Variants in ZDHHC14 observed in about 807,000 individuals in gnomAD.
The protein encoded by ZDHHC14 is zDHHC palmitoyltransferase 14, also known as palmitoyltransferase ZDHHC14.
Under a neutral mutation model 47.7 loss-of-function variants are expected in ZDHHC14, and 16 were observed. The observed-to-expected ratio is 0.34, with a 90% CI of 0.23 to 0.51. The LOEUF is 0.51. ZDHHC14 is among the 20% of genes least tolerant of loss of function. The probability of loss-of-function intolerance (pLI) is 0.97; values close to 1 mark genes in which losing one functional copy is unlikely to be tolerated. For missense variants in ZDHHC14, 515 were observed against 662.5 expected (o/e 0.78, Z 2.44); for synonymous variants, 293 against 278.9 (o/e 1.05, Z -0.50).
intron 1 of ZDHHC14, among the ~76,000 whole-genome samples, chr6:157,410,441 G>A (rs374050605): frequency 1.6e-4 from 25 of 152,302 alleles, no homozygotes; most frequent in African/African-American, 6.0e-4. Context: ...GAAAAAGTAA[G>A]AATTGATGTG....
intron 8 of ZDHHC14, among the ~76,000 whole-genome samples, chr6:157,662,984 AT>A (rs1583094719): frequency 6.6e-6 from 1 of 152,378 alleles, no homozygotes. Flanking sequence ...TTTAGAAATG[AT>A]TTGTAGGTTG....
chr6:157,658,197 G>T (rs1032082678), intron 8 of ZDHHC14, among the ~76,000 whole-genome samples: 4 of 151,994 alleles, frequency 2.6e-5, no homozygotes, highest in Admixed American at 2.0e-4. Context: ...GCCCAGAATG[G>T]GAACCAGGGA....
intron 2 of ZDHHC14, among the ~76,000 whole-genome samples, chr6:157,572,221 C>A (rs1394983333): frequency 2.6e-5 from 4 of 152,066 alleles, no homozygotes; most frequent in African/African-American, 9.7e-5. Context: ...TTTAGCAACA[C>A]CCCTGGCCAC....
At chr6:157,606,834 C>T (rs1021615257) in intron 3 of ZDHHC14, among the ~76,000 whole-genome samples, 6 of 152,210 alleles carry the variant, frequency 3.9e-5, no homozygotes, top group Non-Finnish European at 8.8e-5. Context: ...AAAACAGTTA[C>T]ATTTTTATTT....
At chr6:157,421,410 A>C (rs1192398802) in intron 1 of ZDHHC14, among the ~76,000 whole-genome samples, 1 of 144,936 alleles carries the variant, frequency 6.9e-6, no homozygotes. Flanking sequence ...GGACAATGGC[A>C]TGAACCCGGG....
Position 157,609,532 on chromosome 6 carries a change from C to T in ZDHHC14, c.565+16386C>T, listed in dbSNP as rs542500614. On this transcript the variant is annotated intron_variant, in intron 3 of 8. Transcript: ENST00000359775. ...CGGTGATCTACAATTTACAAAGCAA[C>T]GTCATAAAGAGCAGGAAGAGTTTTG... is the stretch of plus-strand genomic sequence containing the variant. Among the ~76,000 whole-genome samples, 16 of 152,300 alleles carry T rather than the reference C, an allele frequency of 1.1e-4. No homozygotes were observed. The East Asian group carries it at 2.9e-3, about 28-fold the overall frequency.
chr6:157,447,069 A>G (rs1410580064), intron 1 of ZDHHC14, among the ~76,000 whole-genome samples: 2 of 152,226 alleles, frequency 1.3e-5, no homozygotes, highest in East Asian at 1.9e-4. Flanking sequence ...CAGTGAGCTG[A>G]GATGCACCAC....
chr6:157,604,437 C>T (rs1273222532), intron 3 of ZDHHC14, among the ~76,000 whole-genome samples: 1 of 152,174 alleles, frequency 6.6e-6, no homozygotes, highest in African/African-American at 2.4e-5. Context: ...AAGCAATCCC[C>T]CTTGGATACG....
intron 7 of ZDHHC14, among the ~76,000 whole-genome samples, chr6:157,651,835 G>A (rs184225436): frequency 3.9e-5 from 6 of 152,272 alleles, no homozygotes; most frequent in Middle Eastern, 3.4e-3. Flanking sequence ...GCCTCCCAAA[G>A]TGCTAGGATT....
chr6:157,607,067 A>G (rs1387299631), intron 3 of ZDHHC14, among the ~76,000 whole-genome samples: 1 of 152,170 alleles, frequency 6.6e-6, no homozygotes. Context: ...GTATTTTTCT[A>G]TATCACGATG....
intron 1 of ZDHHC14, among the ~76,000 whole-genome samples, chr6:157,468,750 C>T (rs948279472): frequency 1.4e-4 from 22 of 152,222 alleles, no homozygotes; most frequent in African/African-American, 5.1e-4. Context: ...ATAACAACAG[C>T]AGTAGGAGTA....
chr6:157,529,360 A>C (rs1781284554), intron 1 of ZDHHC14, among the ~76,000 whole-genome samples: 1 of 152,272 alleles, frequency 6.6e-6, no homozygotes, highest in African/African-American at 2.4e-5. Flanking sequence ...AAGCAAAACT[A>C]ACCAGTACGG....
At chr6:157,397,186 G>C (rs1777538378) in intron 1 of ZDHHC14, among the ~76,000 whole-genome samples, 1 of 152,204 alleles carries the variant, frequency 6.6e-6, no homozygotes. Flanking sequence ...AAGCGTAAAG[G>C]GGGAGACTTA....
intron 1 of ZDHHC14, among the ~76,000 whole-genome samples, chr6:157,410,386 C>G (rs1777850335): frequency 6.6e-6 from 1 of 152,120 alleles, no homozygotes; most frequent in Non-Finnish European, 1.5e-5. Context: ...ATAAAATTGG[C>G]TGGATTTGTT....
At chr6:157,474,544 G>C (rs1279707861) in intron 1 of ZDHHC14, among the ~76,000 whole-genome samples, 1 of 152,086 alleles carries the variant, frequency 6.6e-6, no homozygotes, top group Non-Finnish European at 1.5e-5. Context: ...AGTGTGCAAG[G>C]ATTCCCATTT....
At chr6:157,416,159 T>C (rs890186744) in intron 1 of ZDHHC14, among the ~76,000 whole-genome samples, 2 of 152,304 alleles carry the variant, frequency 1.3e-5, no homozygotes. Context: ...TGCATTTGGA[T>C]TGTATCTTTT....
intron 1 of ZDHHC14, among the ~76,000 whole-genome samples, chr6:157,454,674 G>A (rs538231279): frequency 1.3e-5 from 2 of 152,058 alleles, no homozygotes; most frequent in South Asian, 4.2e-4. Context: ...TGGCCTTAAT[G>A]CATCTTTAAA....
intron 1 of ZDHHC14, among the ~76,000 whole-genome samples, chr6:157,482,908 A>G (rs945629597): frequency 6.6e-6 from 1 of 151,852 alleles, no homozygotes; most frequent in African/African-American, 2.4e-5. Flanking sequence ...AAGCCTGGCT[A>G]ATTTTTGTAT....
At chr6:157,572,481 C>G (rs1011811234) in intron 2 of ZDHHC14, among the ~76,000 whole-genome samples, 9 of 152,124 alleles carry the variant, frequency 5.9e-5, no homozygotes, top group African/African-American at 2.2e-4. Context: ...AGAAAGAGGA[C>G]TAACCTTTTT....
Sources: gnomAD v4.1 joint callset for allele counts (sites outside exome capture counted in the v4.1 genomes callset) on GRCh38, gnomAD v4.1.1 for gene constraint, MANE v1.5 for transcripts, NCBI Gene and HGNC (gene_info 2026-07-23, HGNC 2026-07-21) for gene names.